Variants in SCHIP1 observed in about 807,000 individuals in gnomAD.
SCHIP1 encodes the protein schwannomin-interacting protein 1.
A neutral mutation model predicts 29.7 loss-of-function variants in SCHIP1; 8 were observed. The ratio of observed to expected loss-of-function variants is 0.27; its 90% CI spans 0.16 to 0.49. The LOEUF is 0.49. Ranked by LOEUF, SCHIP1 falls within the 20% of genes least tolerant of loss-of-function variation. The probability of loss-of-function intolerance (pLI) is 0.99; values close to 1 mark genes in which losing one functional copy is unlikely to be tolerated. For missense variants in SCHIP1, 193 were observed against 294.6 expected, an observed-to-expected ratio of 0.66 and a Z score of 2.52; for synonymous variants, 76 against 94.9, an observed-to-expected ratio of 0.80 and a Z score of 1.16.
At chr3:159,844,224 T>C (rs1166851848) in intron 1 of SCHIP1, among the ~76,000 whole-genome samples, 2 of 152,236 alleles carry the variant, frequency 1.3e-5, no homozygotes, top group African/African-American at 4.8e-5. Flanking sequence ...AGAAATACAA[T>C]GGATTCTTAC....
At chr3:159,891,154 G>A (rs1203372004) in intron 5 of SCHIP1, among the ~76,000 whole-genome samples, 1 of 152,094 alleles carries the variant, frequency 6.6e-6, no homozygotes, top group Non-Finnish European at 1.5e-5. Context: ...GGCAGATCAC[G>A]AGGTCAGGAG....
the SCHIP1 span, among the ~76,000 whole-genome samples, chr3:159,748,599 TG>T: frequency 6.6e-6 from 1 of 152,202 alleles, no homozygotes; most frequent in Non-Finnish European, 1.5e-5. Flanking sequence ...CTACCAAGCA[TG>T]GGAGCAACGT....
At chr3:159,714,753 G>T in the SCHIP1 span, among the ~76,000 whole-genome samples, 2 of 152,226 alleles carry the variant, frequency 1.3e-5, no homozygotes, top group Non-Finnish European at 2.9e-5. Context: ...TGGGAAGCTC[G>T]AACTGGGTGG....
At chr3:159,847,989 C>T (rs1560080437) in intron 1 of SCHIP1, among the ~76,000 whole-genome samples, 2 of 150,868 alleles carry the variant, frequency 1.3e-5, no homozygotes, top group African/African-American at 4.9e-5. Flanking sequence ...AAGGGTTAAT[C>T]AGGATGAAAT....
chr3:159,534,780 G>A, the SCHIP1 span, among the ~76,000 whole-genome samples: 1 of 152,226 alleles, frequency 6.6e-6, no homozygotes, highest in South Asian at 2.1e-4. Context: ...ACGGATTTAG[G>A]AGAATTCTGC....
upstream of SCHIP1, among the ~76,000 whole-genome samples, chr3:159,837,805 T>C (rs1743815795): frequency 6.6e-6 from 1 of 152,116 alleles, no homozygotes; most frequent in Non-Finnish European, 1.5e-5. Flanking sequence ...CAGAGAAGAA[T>C]GGAGTTTTAG....
At chr3:159,344,002 T>C in the SCHIP1 span, among the ~76,000 whole-genome samples, 2 of 152,192 alleles carry the variant, frequency 1.3e-5, no homozygotes, top group Non-Finnish European at 2.9e-5. Flanking sequence ...TAAAACAAGA[T>C]AGGTTACTTA....
At chr3:159,472,776 G>A in the SCHIP1 span, among the ~76,000 whole-genome samples, 5 of 152,164 alleles carry the variant, frequency 3.3e-5, no homozygotes, top group African/African-American at 1.2e-4. Flanking sequence ...CACCAGTACC[G>A]ACCTGACCAG....
At chr3:159,463,657 G>A in the SCHIP1 span, among the ~76,000 whole-genome samples, 10 of 152,016 alleles carry the variant, frequency 6.6e-5, no homozygotes, top group Non-Finnish European at 1.2e-4. Flanking sequence ...GTCTTACACA[G>A]CTGCACTTAA....
the SCHIP1 span, among the ~76,000 whole-genome samples, chr3:159,347,489 G>T: frequency 3.3e-5 from 5 of 152,138 alleles, no homozygotes; most frequent in African/African-American, 9.7e-5. Flanking sequence ...AGGAATGAGT[G>T]GAATAAGGGC....
the SCHIP1 span, among the ~76,000 whole-genome samples, chr3:159,335,543 T>A: frequency 6.6e-6 from 1 of 152,172 alleles, no homozygotes; most frequent in Non-Finnish European, 1.5e-5. Flanking sequence ...CCTTCCTGTG[T>A]CCATGTGTTC....
chr3:159,705,675 G>A, the SCHIP1 span, among the ~76,000 whole-genome samples: 2 of 152,030 alleles, frequency 1.3e-5, no homozygotes, highest in African/African-American at 4.8e-5. Context: ...GGATGGATGT[G>A]AGAATGCCGC....
the SCHIP1 span, chr3:159,375,842 G>A: frequency 7.0e-6 from 5 of 710,314 alleles, no homozygotes; most frequent in African/African-American, 9.7e-5. Context: ...TCAATGAAAG[G>A]ATTTGGAAGT....
chr3:159,740,785 A>AAT, the SCHIP1 span, among the ~76,000 whole-genome samples: 1 of 150,922 alleles, frequency 6.6e-6, no homozygotes, highest in Non-Finnish European at 1.5e-5. Context: ...AAAAAAAAAA[A>AAT]AAAAAAGACC....
chr3:159,834,325 T>A, the SCHIP1 span, among the ~76,000 whole-genome samples: 1 of 152,206 alleles, frequency 6.6e-6, no homozygotes, highest in African/African-American at 2.4e-5. Context: ...TGCAGTCTCC[T>A]GGTTCACTCT....
chr3:159,563,919 C>T, the SCHIP1 span, among the ~76,000 whole-genome samples: 1 of 152,070 alleles, frequency 6.6e-6, no homozygotes, highest in Non-Finnish European at 1.5e-5. Context: ...GAGAACGTAC[C>T]TTCTCTTTAT....
At chr3:159,605,566 A>C in the SCHIP1 span, among the ~76,000 whole-genome samples, 3 of 152,178 alleles carry the variant, frequency 2.0e-5, no homozygotes, top group South Asian at 2.1e-4. Context: ...GGCAGTTCTA[A>C]AAAACAGTCT....
At chr3:159,689,648 G>T in the SCHIP1 span, among the ~76,000 whole-genome samples, 6 of 152,204 alleles carry the variant, frequency 3.9e-5, no homozygotes, top group Non-Finnish European at 8.8e-5. Flanking sequence ...AATAGGAGTG[G>T]TGAGAGAGGG....
chr3:159,637,374 CACACACACA>C, the SCHIP1 span, among the ~76,000 whole-genome samples: 2 of 37,236 alleles, frequency 5.4e-5, no homozygotes, highest in African/African-American at 4.6e-4. Context: ...GCCCCAGCCA[CACACACACA>C]CACACACACA....
Sources: allele counts gnomAD v4.1 joint callset (sites outside exome capture counted in the v4.1 genomes callset), GRCh38; gene constraint gnomAD v4.1.1; transcripts MANE v1.5; gene names NCBI Gene and HGNC (gene_info 2026-07-23, HGNC 2026-07-21).